The following IL1RAPL1 variants were observed in gnomAD, a reference collection of about 807,000 sequenced individuals.
IL1RAPL1 encodes interleukin-1 receptor accessory protein-like 1.
In IL1RAPL1, 3 loss-of-function variants were observed where a neutral mutation model predicts 48.4. The ratio of observed to expected loss-of-function variants is 0.06; its 90% confidence interval spans 0.03 to 0.16. The LOEUF (loss-of-function observed/expected upper bound fraction) is 0.16. Among genes scored for constraint, IL1RAPL1 ranks in the 10% least tolerant of loss-of-function variants. IL1RAPL1 has a pLI of 1.00. For synonymous variants in IL1RAPL1, 185 were observed against 187.7 expected (o/e 0.99, Z 0.12); for missense variants, 349 against 530.6 (o/e 0.66, Z 3.36).
chrX:28,879,949 C>T (rs1247881792), intron 2 of IL1RAPL1, among the ~76,000 whole-genome samples: 1 of 111,761 alleles, frequency 8.9e-6, no homozygotes, highest in Non-Finnish European at 1.9e-5. Flanking sequence ...GAATTCACCT[C>T]CCAAGTGAAC....
At chrX:28,802,259 G>T (rs1203844557) in intron 2 of IL1RAPL1, among the ~76,000 whole-genome samples, 3 of 112,413 alleles carry the variant, frequency 2.7e-5, no homozygotes, top group African/African-American at 9.7e-5. Context: ...AATTTGGTTT[G>T]TCAGTTTCAA....
chrX:29,208,146 A>G (rs1187869140), intron 2 of IL1RAPL1, among the ~76,000 whole-genome samples: 1 of 111,664 alleles, frequency 9.0e-6, no homozygotes, highest in Non-Finnish European at 1.9e-5. Flanking sequence ...TCATGCAAAT[A>G]AGATTCATAT....
At chrX:29,452,748 T>C (rs1934693907) in intron 5 of IL1RAPL1, among the ~76,000 whole-genome samples, 1 of 110,244 alleles carries the variant, frequency 9.1e-6, no homozygotes, top group African/African-American at 3.3e-5. Flanking sequence ...ACATTGCCGA[T>C]TGCCAGCAGA....
intron 6 of IL1RAPL1, among the ~76,000 whole-genome samples, chrX:29,750,541 A>G (rs1028029403): frequency 8.9e-6 from 1 of 112,152 alleles, no homozygotes; most frequent in African/African-American, 3.2e-5. Flanking sequence ...AGCCTCATAT[A>G]GGATACATTT....
intron 8 of IL1RAPL1, among the ~76,000 whole-genome samples, chrX:29,932,480 G>C (rs1186808347): frequency 1.8e-5 from 2 of 111,853 alleles, no homozygotes; most frequent in Non-Finnish European, 3.8e-5. Flanking sequence ...ACATATTCTA[G>C]CTGAGAAATC....
intron 6 of IL1RAPL1, among the ~76,000 whole-genome samples, chrX:29,803,740 G>A (rs776456727): frequency 8.3e-5 from 9 of 108,247 alleles, no homozygotes; most frequent in African/African-American, 3.0e-4. Flanking sequence ...AGTGTATTCT[G>A]CATCACTTGA....
chrX:29,537,203 T>C (rs1921262530), intron 5 of IL1RAPL1, among the ~76,000 whole-genome samples: 1 of 111,028 alleles, frequency 9.0e-6, no homozygotes, highest in Non-Finnish European at 1.9e-5. Context: ...TAAAGACATA[T>C]TTGGATATGC....
intron 2 of IL1RAPL1, among the ~76,000 whole-genome samples, chrX:28,791,663 T>C (rs1423114300): frequency 8.9e-6 from 1 of 111,917 alleles, no homozygotes; most frequent in African/African-American, 3.2e-5. Flanking sequence ...CATGCCTGAT[T>C]TGTTTACTTT....
chrX:29,546,301 C>T (rs1921624995), intron 5 of IL1RAPL1, among the ~76,000 whole-genome samples: 1 of 111,385 alleles, frequency 9.0e-6, no homozygotes, highest in African/African-American at 3.3e-5. Flanking sequence ...GCATTTTCCA[C>T]CCTTTTCTAT....
chrX:28,910,398 A>T (rs1351151654), intron 2 of IL1RAPL1, among the ~76,000 whole-genome samples: 1 of 110,938 alleles, frequency 9.0e-6, no homozygotes, highest in Non-Finnish European at 1.9e-5. Context: ...AGGTCAATAC[A>T]TATTTAATAC....
chrX:28,868,479 G>A (rs1028209553), intron 2 of IL1RAPL1, among the ~76,000 whole-genome samples: 13 of 110,259 alleles, frequency 1.2e-4, no homozygotes, highest in Non-Finnish European at 2.3e-4. Context: ...TGATATTTGC[G>A]AGGGTTTTAT....
chrX:29,312,013 T>C (rs191127473), intron 3 of IL1RAPL1, among the ~76,000 whole-genome samples: 50 of 111,936 alleles, frequency 4.5e-4, no homozygotes, highest in African/African-American at 1.6e-3. Context: ...CAAGAGATAA[T>C]TACACACAGT....
intron 1 of IL1RAPL1, among the ~76,000 whole-genome samples, chrX:28,726,806 GAAGA>G (rs1935682221): frequency 9.0e-6 from 1 of 111,227 alleles, no homozygotes; most frequent in Non-Finnish European, 1.9e-5. Context: ...TTGGTGAATG[GAAGA>G]GTGTGATTTG....
At chrX:28,605,373 C>G (rs1036165882) in intron 1 of IL1RAPL1, among the ~76,000 whole-genome samples, 6 of 112,066 alleles carry the variant, frequency 5.4e-5, no homozygotes, top group African/African-American at 1.9e-4. Context: ...TCAGTTTCAT[C>G]CTTGTATTTG....
intron 5 of IL1RAPL1, among the ~76,000 whole-genome samples, chrX:29,459,660 T>C (rs1170542645): frequency 8.9e-6 from 1 of 112,069 alleles, no homozygotes; most frequent in Admixed American, 9.5e-5. Flanking sequence ...ACAAAAATAC[T>C]GTATATAATT....
intron 5 of IL1RAPL1, among the ~76,000 whole-genome samples, chrX:29,575,795 C>A (rs1253689493): frequency 8.9e-6 from 1 of 112,028 alleles, no homozygotes; most frequent in Admixed American, 9.5e-5. Context: ...TAAATCAGAA[C>A]AATTTCCCCA....
Position 29,028,724 on chromosome X carries a change from A to G in IL1RAPL1, c.82+239299A>G, listed in dbSNP as rs556009728. 2.7e-5 allele frequency among the ~76,000 whole-genome samples: 3 copies of G among 110,997 alleles called. No individual in the cohort carries two copies. The Admixed American group carries it at 2.9e-4, about 11-fold the overall frequency. On this transcript the variant is annotated intron_variant, in intron 2 of 10. Transcript: ENST00000378993. ...TCCTCCAGTTTTATACCTGGGGTCT[A>G]TTCTAGTTCTGGGAATTTTCTGAGC...
chrX:29,666,736 C>T (rs1926009996), intron 5 of IL1RAPL1, among the ~76,000 whole-genome samples: 1 of 110,456 alleles, frequency 9.1e-6, no homozygotes, highest in African/African-American at 3.3e-5. Flanking sequence ...ATGTGGTATG[C>T]GTTTGAACAG....
intron 5 of IL1RAPL1, among the ~76,000 whole-genome samples, chrX:29,503,795 A>G (rs767600482): frequency 4.5e-5 from 5 of 110,274 alleles, no homozygotes; most frequent in Non-Finnish European, 9.5e-5. Flanking sequence ...GACTAGTGGC[A>G]TGTGCCAGCA....
Sources: gnomAD v4.1 joint callset for allele counts (sites outside exome capture counted in the v4.1 genomes callset) on GRCh38, gnomAD v4.1.1 for gene constraint, MANE v1.5 for transcripts, NCBI Gene and HGNC (gene_info 2026-07-23, HGNC 2026-07-21) for gene names.